Variants in TSEN15 observed in about 807,000 individuals in gnomAD.
TSEN15 encodes tRNA-splicing endonuclease subunit Sen15.
Under a neutral mutation model 20.5 loss-of-function variants are expected in TSEN15, and 10 were observed. The observed-to-expected ratio is 0.49, with a 90% CI of 0.30 to 0.83. TSEN15 has a LOEUF of 0.83. Ranked by LOEUF, TSEN15 falls within the 40% of genes least tolerant of loss-of-function variation. TSEN15 has a pLI of 0.06. For synonymous variants in TSEN15, 72 were observed against 80.1 expected (o/e 0.90, Z 0.54); for missense variants, 180 against 218.6 (o/e 0.82, Z 1.11).
Position 184,095,797 on chromosome 1 carries a change from AT to A in TSEN15, c.464del (p.Phe155SerfsTer24). The A allele has an allele frequency of 5.0e-6, 2 of 398,450 alleles. No homozygotes were observed. The highest frequency in any genetic ancestry group is 4.4e-6 in the Non-Finnish European group (1 of 226,024). The allele number at this position is 398,450 out of a possible 1,614,324, so 24.7% of individuals were successfully genotyped here. Reference sequence around the variant, plus strand: ...GGAATGTTCCTGCACTTCGGTCTGGATTTCTAGTGTCCAGAACTGTGAGAAA... The same window carrying A: ...GGAATGTTCCTGCACTTCGGTCTGGATTCTAGTGTCCAGAACTGTGAGAAA... On this transcript the variant is annotated frameshift_variant, in exon 4 of 4. Transcript: ENST00000643231. LOFTEE classifies it high-confidence loss of function.
In TSEN15 at chr1:184,066,060, A is replaced by G. The variant is rs77026583; in HGVS notation, c.354-6097A>G. 2.3e-3 allele frequency among the ~76,000 whole-genome samples: 357 copies of G among 152,282 alleles called. 2 individuals carry two copies. Among genetic ancestry groups the G allele is most frequent in the African/African-American group, 7.8e-3 (326 of 41,568 alleles). On this transcript the variant is annotated intron_variant, in intron 3 of 4. Transcript: ENST00000645668. ...CTTTTGGTATTTTATCTAAAAACTC[A>G]TCACCAAATCCAAGGCATCCTATTT...
At chr1:184,070,738 G>A in intron 3 of TSEN15, 1 of 1,043,380 alleles carries the variant, frequency 9.6e-7, no homozygotes, top group Non-Finnish European at 1.2e-6. Flanking sequence ...GCTGAGTAAT[G>A]AAGTTTCTGA....
chr1:184,091,041 T>C (rs1049993351), intron 3 of TSEN15, among the ~76,000 whole-genome samples: 3 of 152,206 alleles, frequency 2.0e-5, no homozygotes, highest in African/African-American at 7.2e-5. Flanking sequence ...ATAGACATAC[T>C]TTTACCAAAG....
rs1428454537 is a variant in TSEN15 at position 184,051,760 on chromosome 1, A to T, written c.5A>T (p.Glu2Val). Residue 2 changes from glutamate to valine, a missense_variant, in exon 1 of 5, where the codon GAG (glutamate) becomes GTG (valine). Glu to Val is a moderately radical substitution (Grantham distance 121). Around this residue, in one of 3 missense-constraint regions of TSEN15, gnomAD observed 76 missense variants for 66.5 expected, o/e 1.14. Transcript: ENST00000645668. The stretch of plus-strand genomic sequence containing the variant: ...GGGAGCGCCGCACCGGCCGGCATGG[A>T]GGAGCGCGGCGATTCCGAGCCGACC... MEERGDSEPTPG... is the reference protein window; with the variant it reads MVERGDSEPTPG... 2 of 1,486,462 alleles carry T rather than the reference A, an allele frequency of 1.3e-6. No homozygotes were observed. The highest frequency in any genetic ancestry group is 1.8e-6 in the Non-Finnish European group (2 of 1,117,978). 92.1% of individuals were successfully genotyped at this position (1,486,462 alleles called of 1,614,324 possible).
downstream of TSEN15, among the ~76,000 whole-genome samples, chr1:184,075,093 A>C (rs886790309): frequency 6.6e-6 from 1 of 152,146 alleles, no homozygotes; most frequent in Non-Finnish European, 1.5e-5. Flanking sequence ...TGTGTGTCGG[A>C]TCTGTTGACC....
chr1:184,072,130 C>A (rs772457560), intron 3 of TSEN15, 27 bp from the exon 4 acceptor site: 355 of 1,610,446 alleles, frequency 2.2e-4, no homozygotes, highest in Non-Finnish European at 2.9e-4. Flanking sequence ...ACCGCAACTC[C>A]TAAGTATATT....
chr1:184,095,631 T>TTCTCCCTCTCTCTC, intron 3 of TSEN15: 2 of 385,028 alleles, frequency 5.2e-6, no homozygotes, highest in Non-Finnish European at 9.1e-6. Flanking sequence ...TCTCTCCCCC[T>TTCTCCCTCTCTCTC]TCTCTCTCTC....
At chr1:184,075,012 T>G (rs1651028652), downstream of TSEN15, among the ~76,000 whole-genome samples, 1 of 152,162 alleles carries the variant, frequency 6.6e-6, no homozygotes. Context: ...GTTTGATTCA[T>G]TTTGAGGTCT....
At chr1:184,056,775 A>G (rs979422166) in intron 3 of TSEN15, among the ~76,000 whole-genome samples, 2 of 152,152 alleles carry the variant, frequency 1.3e-5, no homozygotes, top group African/African-American at 4.8e-5. Flanking sequence ...CACTTCTGCT[A>G]CTTTCCAAAG....
At chr1:184,060,036 A>G (rs1650392186) in intron 3 of TSEN15, among the ~76,000 whole-genome samples, 1 of 152,252 alleles carries the variant, frequency 6.6e-6, no homozygotes, top group Non-Finnish European at 1.5e-5. Flanking sequence ...TTCAGAAAAA[A>G]AATCCCAATG....
intron 3 of TSEN15, among the ~76,000 whole-genome samples, chr1:184,061,571 A>ACT (rs1362087892): frequency 1.3e-5 from 2 of 152,196 alleles, no homozygotes; most frequent in African/African-American, 4.8e-5. Flanking sequence ...ACTTAGTTAT[A>ACT]AAGTATTTCC....
intron 2 of TSEN15, 50 bp from the exon 3 acceptor site, chr1:184,054,678 A>AT (rs749191846): frequency 6.3e-7 from 1 of 1,578,246 alleles, no homozygotes; most frequent in Non-Finnish European, 8.6e-7. Context: ...TGGAGTTTTT[A>AT]TTTTTTGTAT....
intron 3 of TSEN15, among the ~76,000 whole-genome samples, chr1:184,086,551 G>C (rs1280792694): frequency 6.6e-6 from 1 of 152,172 alleles, no homozygotes; most frequent in East Asian, 1.9e-4. Flanking sequence ...ATATTAGCTA[G>C]GGCTTCCATT....
At chr1:184,078,637 T>A (rs2102899994), downstream of TSEN15, among the ~76,000 whole-genome samples, 1 of 152,286 alleles carries the variant, frequency 6.6e-6, no homozygotes, top group South Asian at 2.1e-4. Flanking sequence ...TTGCTTCTCC[T>A]GGCTGAGACT....
intron 3 of TSEN15, among the ~76,000 whole-genome samples, chr1:184,090,298 GT>G (rs1170437474): frequency 1.3e-5 from 2 of 152,128 alleles, no homozygotes; most frequent in Admixed American, 6.6e-5. Flanking sequence ...TAGATCTATG[GT>G]TTTTTGAGGC....
chr1:184,081,442 C>T (rs907887660), intron 3 of TSEN15, among the ~76,000 whole-genome samples: 1 of 152,122 alleles, frequency 6.6e-6, no homozygotes, highest in Non-Finnish European at 1.5e-5. Flanking sequence ...AGGAAGCAGC[C>T]CATGTTACTC....
intron 3 of TSEN15, chr1:184,070,541 C>T (rs1253491521): frequency 1.7e-6 from 1 of 591,900 alleles, no homozygotes; most frequent in Non-Finnish European, 2.6e-6. Context: ...TCTTCTTTGC[C>T]ATCTTTGTAG....
chr1:184,082,176 A>G (rs1157015476), intron 3 of TSEN15, among the ~76,000 whole-genome samples: 1 of 151,950 alleles, frequency 6.6e-6, no homozygotes, highest in African/African-American at 2.4e-5. Context: ...AGCATCTGAC[A>G]GAGAGAGAGC....
intron 3 of TSEN15, among the ~76,000 whole-genome samples, chr1:184,089,815 C>T (rs1313525396): frequency 6.6e-6 from 1 of 151,934 alleles, no homozygotes. Context: ...GTGCATTTCC[C>T]TTGGATGTTA....
Sources: gnomAD v4.1 joint callset for allele counts (sites outside exome capture counted in the v4.1 genomes callset) on GRCh38, gnomAD v4.1.1 for gene constraint, gnomAD v4.1.1 regional missense constraint, MANE v1.5 for transcripts, NCBI Gene and HGNC (gene_info 2026-07-23, HGNC 2026-07-21) for gene names.